FOXO1: variants seen among roughly 807,000 people sequenced by gnomAD.
The protein encoded by FOXO1 is forkhead box protein O1.
Under a neutral mutation model 44.1 loss-of-function variants are expected in FOXO1, and 6 were observed. That is an observed-to-expected ratio of 0.14 (90% confidence interval 0.07 to 0.27). The LOEUF (loss-of-function observed/expected upper bound fraction) is 0.27. Ranked by LOEUF, FOXO1 falls within the 10% of genes least tolerant of loss-of-function variation. The probability of loss-of-function intolerance (pLI) is 1.00; values close to 1 mark genes in which losing one functional copy is unlikely to be tolerated. For synonymous variants in FOXO1, 380 were observed against 362.7 expected, an observed-to-expected ratio of 1.05 and a Z score of -0.54; for missense variants, 737 against 888.8, an observed-to-expected ratio of 0.83 and a Z score of 2.17.
At chr13:40,586,658 CA>C (rs1246410506) in intron 1 of FOXO1, among the ~76,000 whole-genome samples, 3 of 152,174 alleles carry the variant, frequency 2.0e-5, no homozygotes, top group Non-Finnish European at 4.4e-5. Context: ...GCAAGTTACT[CA>C]TTTCTCATTT....
chr13:40,653,752 G>T (rs1331755038), intron 1 of FOXO1, among the ~76,000 whole-genome samples: 1 of 152,078 alleles, frequency 6.6e-6, no homozygotes, highest in Non-Finnish European at 1.5e-5. Flanking sequence ...TTTTAACTGA[G>T]CAAAAACCCA....
chr13:40,571,181 T>G (rs185478563), intron 1 of FOXO1, among the ~76,000 whole-genome samples: 154 of 151,034 alleles, frequency 1.0e-3, no homozygotes, highest in African/African-American at 2.9e-3. Flanking sequence ...TTTGAAGAGA[T>G]CTGTAGGCGG....
At chr13:40,653,776 AAGTACTTTGTAAGTACTCACC>A (rs1024854034) in intron 1 of FOXO1, among the ~76,000 whole-genome samples, 2 of 152,144 alleles carry the variant, frequency 1.3e-5, no homozygotes, top group Non-Finnish European at 2.9e-5. Flanking sequence ...CCTCACCAGT[AAGTACTTTGTAAGTACTCACC>A]AGTACTTACA....
chr13:40,658,698 C>T (rs1046753344), intron 1 of FOXO1, among the ~76,000 whole-genome samples: 1 of 152,198 alleles, frequency 6.6e-6, no homozygotes, highest in African/African-American at 2.4e-5. Context: ...GAAACGATTT[C>T]TCAAAGCAAA....
At chr13:40,603,608 T>C (rs1311589400) in intron 1 of FOXO1, among the ~76,000 whole-genome samples, 2 of 152,216 alleles carry the variant, frequency 1.3e-5, no homozygotes, top group East Asian at 1.9e-4. Flanking sequence ...CCACAGTATA[T>C]TGTCACCACA....
intron 1 of FOXO1, among the ~76,000 whole-genome samples, chr13:40,640,986 G>C (rs1229370247): frequency 6.6e-6 from 1 of 152,150 alleles, no homozygotes; most frequent in Non-Finnish European, 1.5e-5. Context: ...ATTTCACCAT[G>C]TTGGCCAGGC....
rs1555246414 is a variant in FOXO1, at chr13:40,555,891, T to TA, written c.*3157dup. On this transcript the variant is annotated 3_prime_UTR_variant, in exon 3 of 3. Coordinates refer to ENST00000379561, the MANE Select transcript of FOXO1 (RefSeq NM_002015.4). ...AACAAGAACGTGGAATCTGCACTGT[T>TA]ACTAAACTCGGGTAGCGAAATGCAG... 3 of 152,682 alleles carry TA rather than the reference T, an allele frequency of 2.0e-5. No homozygotes were observed. The highest frequency in any genetic ancestry group is 7.2e-5 in the African/African-American group (3 of 41,470). The allele number at this position is 152,682 out of a possible 1,614,324, so 9.5% of individuals were successfully genotyped here.
intron 1 of FOXO1, among the ~76,000 whole-genome samples, chr13:40,584,113 T>C (rs993285265): frequency 1.3e-5 from 2 of 152,038 alleles, no homozygotes; most frequent in East Asian, 3.9e-4. Context: ...GGTGGAGCAG[T>C]GAGAACAAAC....
At chr13:40,613,005 C>T (rs149267688) in intron 1 of FOXO1, among the ~76,000 whole-genome samples, 1 of 152,264 alleles carries the variant, frequency 6.6e-6, no homozygotes, top group Non-Finnish European at 1.5e-5. Flanking sequence ...TCCCTGCCCT[C>T]GTATTCCTTT....
chr13:40,593,200 G>T (rs1203777702), intron 1 of FOXO1, among the ~76,000 whole-genome samples: 1 of 151,612 alleles, frequency 6.6e-6, no homozygotes, highest in Non-Finnish European at 1.5e-5. Flanking sequence ...ATTTTTGTTG[G>T]TTTTTTTTAT....
intron 1 of FOXO1, among the ~76,000 whole-genome samples, chr13:40,664,754 C>T (rs1039135941): frequency 6.6e-6 from 1 of 152,052 alleles, no homozygotes; most frequent in Non-Finnish European, 1.5e-5. Flanking sequence ...GCGCCCGGCC[C>T]CGACGCGCTG....
At chr13:40,662,148 G>C (rs1289355365) in intron 1 of FOXO1, among the ~76,000 whole-genome samples, 7 of 127,192 alleles carry the variant, frequency 5.5e-5, no homozygotes, top group Non-Finnish European at 1.6e-5. Context: ...TCCAGCCTGG[G>C]CAACAGAGTG....
Position 40,559,727 on chromosome 13 carries a change from G to T in FOXO1, c.1764C>A (p.Gly588=). The change falls in exon 2 of 3, where the codon GGC becomes GGA. Residue 588 remains glycine (G), a synonymous_variant. Transcript: ENST00000379561. ...TCTCCTGGTGGAGAAGGCCCATTCT[G>T]CCATAGCCATTGCAGCTGCTCACGG... ...YSSVSSCNGY[G]RMGLLHQEKL... 1 of 1,613,934 alleles carries T rather than the reference G, an allele frequency of 6.2e-7. No homozygotes were observed. Among genetic ancestry groups the T allele is most frequent in the Non-Finnish European group, 8.5e-7 (1 of 1,179,864 alleles).
chr13:40,606,485 G>GT (rs1172723741), intron 1 of FOXO1, among the ~76,000 whole-genome samples: 2 of 151,970 alleles, frequency 1.3e-5, no homozygotes, highest in African/African-American at 4.8e-5. Context: ...GCTAATTTTT[G>GT]TATTTTTAGT....
At chr13:40,561,411 G>A (rs544048295) in intron 1 of FOXO1, among the ~76,000 whole-genome samples, 22 of 143,530 alleles carry the variant, frequency 1.5e-4, no homozygotes, top group Admixed American at 2.8e-4. Flanking sequence ...ATTTAATAAA[G>A]AGTATTGTAA....
intron 1 of FOXO1, among the ~76,000 whole-genome samples, chr13:40,660,002 T>C (rs1593419298): frequency 6.6e-6 from 1 of 152,060 alleles, no homozygotes; most frequent in East Asian, 1.9e-4. Context: ...GAGGAAGATG[T>C]CTTCCACACT....
rs970652904 is a variant in FOXO1, at chr13:40,620,275, A to G, written c.630+45308T>C. On this transcript the variant is annotated intron_variant, in intron 1 of 2. Transcript: ENST00000379561. ...CGGAGAAAATAGAGATCAGGACAGT[A>G]TTGCAAACAGAACTCATCCAGAGTA... The G allele has an allele frequency of 9.6e-6, 12 of 1,256,042 alleles. No homozygotes were observed. The East Asian group carries it at 2.3e-4, about 24-fold the overall frequency. The allele number at this position is 1,256,042 out of a possible 1,614,324, so 77.8% of individuals were successfully genotyped here. A position where few individuals can be genotyped will look rare whatever the true frequency, so the allele number is the denominator to read the frequency against.
At chr13:40,630,714 A>C (rs1235939434) in intron 1 of FOXO1, among the ~76,000 whole-genome samples, 1 of 151,876 alleles carries the variant, frequency 6.6e-6, no homozygotes, top group African/African-American at 2.4e-5. Context: ...GCAAATAGGG[A>C]AAGAGCCTAA....
chr13:40,590,327 G>A (rs1271486537), intron 1 of FOXO1, among the ~76,000 whole-genome samples: 2 of 152,134 alleles, frequency 1.3e-5, no homozygotes, highest in Non-Finnish European at 2.9e-5. Flanking sequence ...ACTATACTAT[G>A]GGCCAAATGC....
Sources: allele counts gnomAD v4.1 joint callset (sites outside exome capture counted in the v4.1 genomes callset), GRCh38; gene constraint gnomAD v4.1.1; transcripts MANE v1.5; gene names NCBI Gene and HGNC (gene_info 2026-07-23, HGNC 2026-07-21).